LUC7L2: variants seen among roughly 807,000 people sequenced by gnomAD.
LUC7L2 encodes putative RNA-binding protein Luc7-like 2.
A neutral mutation model predicts 52.8 loss-of-function variants in LUC7L2; 25 were observed. The observed-to-expected ratio is 0.47, with a 90% CI of 0.34 to 0.66. The LOEUF (loss-of-function observed/expected upper bound fraction) is 0.66, where lower values mean the gene tolerates loss of function less well. LUC7L2 is among the 30% of genes least tolerant of loss of function. LUC7L2 has a pLI of 0.01. For synonymous variants in LUC7L2, 144 were observed against 160.9 expected (o/e 0.89, Z 0.80); for missense variants, 328 against 497.8 (o/e 0.66, Z 3.25).
intron 1 of LUC7L2, among the ~76,000 whole-genome samples, chr7:139,348,338 A>T (rs569601091): frequency 1.3e-5 from 2 of 151,894 alleles, no homozygotes; most frequent in Non-Finnish European, 2.9e-5. Flanking sequence ...ATGTCTGGCC[A>T]TTATTTTTCA....
chr7:139,352,736 CAT>C (rs1202759544), intron 1 of LUC7L2, among the ~76,000 whole-genome samples: 1 of 152,116 alleles, frequency 6.6e-6, no homozygotes, highest in African/African-American at 2.4e-5. Context: ...CAAATATGAA[CAT>C]GTGATAAGAA....
In LUC7L2 at chr7:139,346,488, C is replaced by T. The variant is rs183339341; in HGVS notation, c.-26+5971C>T. 3.3e-5 allele frequency among the ~76,000 whole-genome samples: 5 copies of T among 152,198 alleles called. No homozygotes were observed. In the East Asian group the frequency reaches 9.6e-4, roughly 29 times the overall value. On this transcript the variant is annotated intron_variant, in intron 1 of 10. Transcript: ENST00000541170. ...CAGTCCTGGCAGGAAATAGGTGGCA[C>T]ACTCAAATAGGGACATTGAGGAGAG... is the stretch of plus-strand genomic sequence containing the variant.
chr7:139,357,630 G>C (rs1799644676), upstream of LUC7L2, among the ~76,000 whole-genome samples: 1 of 151,882 alleles, frequency 6.6e-6, no homozygotes, highest in Non-Finnish European at 1.5e-5. Context: ...TTGGAATTCA[G>C]AGTTCTCTGA....
chr7:139,401,716 G>T (rs1339631629), intron 3 of LUC7L2, among the ~76,000 whole-genome samples: 1 of 150,344 alleles, frequency 6.7e-6, no homozygotes, highest in Non-Finnish European at 1.5e-5. Context: ...GCCTCCCAAA[G>T]TGCTGGAATT....
intron 5 of LUC7L2, among the ~76,000 whole-genome samples, chr7:139,406,416 G>A (rs1205333361): frequency 6.8e-6 from 1 of 148,010 alleles, no homozygotes; most frequent in Non-Finnish European, 1.5e-5. Flanking sequence ...GTAGTGGTGC[G>A]ATCTCAGCTC....
rs201944838 is a variant in LUC7L2 at position 139,373,612 on chromosome 7, AAAG to A, written c.62-2449_62-2447del. Among the ~76,000 whole-genome samples, 35 of 151,916 alleles carry A rather than the reference AAAG, an allele frequency of 2.3e-4. No homozygotes were observed. In the East Asian group the frequency reaches 4.8e-3, roughly 21 times the overall value. On this transcript the variant is annotated intron_variant, in intron 1 of 9. Coordinates refer to ENST00000354926, the MANE Select transcript of LUC7L2 (RefSeq NM_016019.5). ...CCATAAAAATTTTAAAAAACACAAA[AAAG>A]CTCACCAGGGATACTGCCTGGTTTG...
chr7:139,358,098 C>T (rs565283413), upstream of LUC7L2, among the ~76,000 whole-genome samples: 205 of 152,248 alleles, frequency 1.3e-3, no homozygotes, highest in African/African-American at 4.8e-3. Flanking sequence ...ACCTCCACTT[C>T]CCGGGTTCAA....
chr7:139,348,453 G>A (rs1284660210), intron 1 of LUC7L2, among the ~76,000 whole-genome samples: 2 of 152,104 alleles, frequency 1.3e-5, no homozygotes, highest in East Asian at 1.9e-4. Flanking sequence ...GGGCACGGTG[G>A]CTCATGCCTG....
intron 2 of LUC7L2, among the ~76,000 whole-genome samples, chr7:139,380,271 T>C (rs1800934442): frequency 6.6e-6 from 1 of 152,070 alleles, no homozygotes; most frequent in South Asian, 2.1e-4. Context: ...AATATGAATA[T>C]TTTCTTTATC....
chr7:139,419,361 A>G (rs904583836), intron 9 of LUC7L2, among the ~76,000 whole-genome samples: 3 of 152,238 alleles, frequency 2.0e-5, no homozygotes, highest in African/African-American at 4.8e-5. Flanking sequence ...TATTCCATAT[A>G]GAGTGAATAT....
upstream of LUC7L2, among the ~76,000 whole-genome samples, chr7:139,358,625 T>C (rs187686099): frequency 1.8e-3 from 269 of 152,370 alleles, no homozygotes; most frequent in South Asian, 5.8e-3. Flanking sequence ...TCATTCATTT[T>C]TCTTACAGTT....
chr7:139,419,061 G>C (rs890577516), intron 9 of LUC7L2, among the ~76,000 whole-genome samples: 78 of 151,668 alleles, frequency 5.1e-4, no homozygotes, highest in African/African-American at 1.8e-3. Context: ...AGTGAGCCAA[G>C]ATCGCACCAC....
Position 139,375,263 on chromosome 7 carries a change from A to G in LUC7L2, c.62-799A>G, listed in dbSNP as rs960910869. 9.1e-6 allele frequency: 9 copies of G among 984,758 alleles called. No individual in the cohort carries two copies. The South Asian group carries it at 2.3e-4, about 26-fold the overall frequency. The allele number at this position is 984,758 out of a possible 1,614,324, so 61.0% of individuals were successfully genotyped here. A position where few individuals can be genotyped will look rare whatever the true frequency, so the allele number is the denominator to read the frequency against. On this transcript the variant is annotated intron_variant, in intron 1 of 9. Transcript: ENST00000354926. ...TAGCCATATTTGATAAGCAGGTTGG[A>G]TGCTTCTGTTGCTTAGGAGGTAGGT...
intron 2 of LUC7L2, among the ~76,000 whole-genome samples, chr7:139,380,867 C>T (rs1800979292): frequency 1.3e-5 from 2 of 152,056 alleles, no homozygotes; most frequent in Admixed American, 6.6e-5. Context: ...CATCTAGTTC[C>T]TAGTGATCGG....
At chr7:139,378,456 C>T (rs1052145508) in intron 2 of LUC7L2, among the ~76,000 whole-genome samples, 5 of 151,890 alleles carry the variant, frequency 3.3e-5, no homozygotes, top group African/African-American at 9.7e-5. Flanking sequence ...TTCCTGAAGT[C>T]CTAACTGCCT....
intron 1 of LUC7L2, chr7:139,341,210 T>C: frequency 2.5e-6 from 3 of 1,186,458 alleles, no homozygotes; most frequent in African/African-American, 1.5e-5. Context: ...ACGGCGCCCC[T>C]GGGCCTTCGA....
chr7:139,376,571 A>G (rs1223024548), intron 2 of LUC7L2, among the ~76,000 whole-genome samples: 1 of 152,224 alleles, frequency 6.6e-6, no homozygotes, highest in East Asian at 1.9e-4. Flanking sequence ...ATATTAGTAA[A>G]TACTTATATC....
intron 9 of LUC7L2, among the ~76,000 whole-genome samples, chr7:139,420,367 C>CTATT (rs1040897102): frequency 5.1e-4 from 77 of 152,262 alleles, no homozygotes; most frequent in African/African-American, 1.8e-3. Flanking sequence ...CCACACCTGG[C>CTATT]TATTTTTGTA....
intron 4 of LUC7L2, among the ~76,000 whole-genome samples, chr7:139,404,887 C>T (rs1795053489): frequency 6.6e-6 from 1 of 152,224 alleles, no homozygotes; most frequent in African/African-American, 2.4e-5. Flanking sequence ...CAAAATTACA[C>T]AGATAGTAAT....
Sources: gnomAD v4.1 joint callset for allele counts (sites outside exome capture counted in the v4.1 genomes callset) on GRCh38, gnomAD v4.1.1 for gene constraint, MANE v1.5 for transcripts, NCBI Gene and HGNC (gene_info 2026-07-23, HGNC 2026-07-21) for gene names.